The following CDYL2 variants were observed in gnomAD, a reference collection of about 807,000 sequenced individuals.
The protein encoded by CDYL2 is chromodomain Y-like protein 2.
A neutral mutation model predicts 49.4 loss-of-function variants in CDYL2; 23 were observed. The observed-to-expected ratio is 0.47, with a 90% CI of 0.34 to 0.66. The LOEUF (loss-of-function observed/expected upper bound fraction) is 0.66, where lower values mean the gene tolerates loss of function less well. Among genes scored for constraint, CDYL2 ranks in the 30% least tolerant of loss-of-function variants. The probability of loss-of-function intolerance (pLI) is 0.01; values close to 1 mark genes in which losing one functional copy is unlikely to be tolerated. For synonymous variants in CDYL2, 360 were observed against 268.8 expected, an observed-to-expected ratio of 1.34 and a Z score of -3.32; for missense variants, 678 against 656.4, an observed-to-expected ratio of 1.03 and a Z score of -0.36.
intron 1 of CDYL2, among the ~76,000 whole-genome samples, chr16:80,749,728 T>C (rs1280716501): frequency 6.6e-6 from 1 of 152,076 alleles, no homozygotes; most frequent in Non-Finnish European, 1.5e-5. Flanking sequence ...ATGAAAATTT[T>C]TTTAAAAAAA....
intron 1 of CDYL2, among the ~76,000 whole-genome samples, chr16:80,716,736 G>A (rs1448977859): frequency 6.6e-6 from 1 of 151,948 alleles, no homozygotes; most frequent in Non-Finnish European, 1.5e-5. Flanking sequence ...GATAATGGAT[G>A]GATCGATGGA....
At chr16:80,698,896 T>C (rs1904287457) in intron 1 of CDYL2, among the ~76,000 whole-genome samples, 1 of 151,882 alleles carries the variant, frequency 6.6e-6, no homozygotes, top group Non-Finnish European at 1.5e-5. Flanking sequence ...AATGAACTAA[T>C]ACAATATGAA....
chr16:80,693,041 G>A (rs1468956269), intron 1 of CDYL2, among the ~76,000 whole-genome samples: 1 of 143,636 alleles, frequency 7.0e-6, no homozygotes, highest in East Asian at 2.2e-4. Context: ...GCATTATGCT[G>A]AATGAAGGGG....
rs1412624016 is a variant in CDYL2 at position 80,684,792 on chromosome 16, G to A, written c.362C>T (p.Ser121Leu). ...GTCACCTCCTGAAGAGGGCTTGCCT[G>A]AATACCCTTTTTTTGGCTTGGCCAG... is the stretch of plus-strand genomic sequence containing the variant. ...PPLAKPKKGY[S>L]GKPSSGGDRA... The change falls in exon 2 of 7, where the codon TCA (serine) becomes TTA (leucine). Residue 121 changes from serine to leucine, a missense_variant. Physicochemically the swap from Ser to Leu is moderately radical, Grantham distance 145. Transcript: ENST00000570137. 2 of 1,614,188 alleles carry A rather than the reference G, an allele frequency of 1.2e-6. No homozygotes were observed. The highest frequency in any genetic ancestry group is 1.7e-6 in the Non-Finnish European group (2 of 1,180,034).
At chr16:80,618,972 T>C (rs1349173036) in intron 4 of CDYL2, among the ~76,000 whole-genome samples, 3 of 152,194 alleles carry the variant, frequency 2.0e-5, no homozygotes, top group Admixed American at 2.0e-4. Context: ...TATTCTCTCA[T>C]AGTTCTGGAG....
chr16:80,723,450 C>T (rs139690836), intron 1 of CDYL2, among the ~76,000 whole-genome samples: 400 of 152,264 alleles, frequency 2.6e-3, no homozygotes, highest in Middle Eastern at 0.014. Context: ...ACACTAATTC[C>T]GGCTTCTAAA....
chr16:80,764,535 C>A (rs970349054), intron 1 of CDYL2, among the ~76,000 whole-genome samples: 2 of 152,146 alleles, frequency 1.3e-5, no homozygotes, highest in Admixed American at 1.3e-4. Flanking sequence ...ATACTAAAAT[C>A]TTTATAATAA....
chr16:80,739,670 C>A (rs1285860394), intron 1 of CDYL2, among the ~76,000 whole-genome samples: 1 of 152,094 alleles, frequency 6.6e-6, no homozygotes, highest in African/African-American at 2.4e-5. Context: ...CACCGCCACC[C>A]ACACCAGCCC....
intron 2 of CDYL2, 28 bp downstream of exon 2, chr16:80,684,509 CA>C: frequency 6.3e-7 from 1 of 1,593,226 alleles, no homozygotes; most frequent in South Asian, 1.1e-5. Context: ...TGGCCAGAGC[CA>C]AACCCAAGAG....
At chr16:80,614,020 G>C (rs145504314) in intron 4 of CDYL2, among the ~76,000 whole-genome samples, 2 of 152,158 alleles carry the variant, frequency 1.3e-5, no homozygotes, top group East Asian at 3.9e-4. Context: ...CTAACTATTT[G>C]CTTGTTTTTG....
chr16:80,796,014 C>T (rs1907760035), intron 1 of CDYL2, among the ~76,000 whole-genome samples: 1 of 152,182 alleles, frequency 6.6e-6, no homozygotes, highest in Non-Finnish European at 1.5e-5. Context: ...ACCCTAACTG[C>T]ATCAGTCAGG....
At chr16:80,702,763 A>G (rs1002952905) in intron 1 of CDYL2, among the ~76,000 whole-genome samples, 5 of 152,168 alleles carry the variant, frequency 3.3e-5, no homozygotes, top group African/African-American at 1.2e-4. Flanking sequence ...GTAAGGCCAC[A>G]ATATTAGGAG....
At chr16:80,682,141 T>G (rs1017032728) in intron 2 of CDYL2, among the ~76,000 whole-genome samples, 3 of 152,168 alleles carry the variant, frequency 2.0e-5, no homozygotes, top group African/African-American at 7.2e-5. Context: ...ACATGCAGAA[T>G]CTGAGAACCA....
At chr16:80,619,294 G>T (rs138783913) in intron 4 of CDYL2, among the ~76,000 whole-genome samples, 75 of 152,270 alleles carry the variant, frequency 4.9e-4, no homozygotes, top group African/African-American at 1.6e-3. Context: ...CACCTCCACA[G>T]GTTCCAGGGA....
rs192903835 is a variant in CDYL2 at position 80,648,895 on chromosome 16, C to T, written c.617-15659G>A. Among the ~76,000 whole-genome samples, 394 of 152,172 alleles carry T rather than the reference C, an allele frequency of 2.6e-3. 1 individual carries two copies. The highest frequency in any genetic ancestry group is 9.2e-3 in the African/African-American group (382 of 41,522). On this transcript the variant is annotated intron_variant, in intron 2 of 6. Transcript: ENST00000570137. ...TATCAACAGAATGATGGACAAAAAC[C>T]ATATGATTATTTCAATTGGTGCTGA...
chr16:80,804,139 CGTCCCCGT>C lies in CDYL2; in HGVS notation c.24+3_24+10del, dbSNP rs1205808755. The C allele has an allele frequency of 1.7e-6, 2 of 1,204,432 alleles. No homozygotes were observed. The highest frequency in any genetic ancestry group is 3.1e-5 in the Admixed American group (1 of 32,240). 74.6% of individuals were successfully genotyped at this position (1,204,432 alleles called of 1,614,324 possible). ...TGACTGGGGCCGGCCCGCGCCCCCG[CGTCCCCGT>C]ACCTCGTAAAGGTCCCCAGAAGCCA... On this transcript the variant is annotated splice_donor_5th_base_variant and intron_variant, in intron 1 of 6. Coordinates refer to ENST00000570137, the MANE Select transcript of CDYL2 (RefSeq NM_152342.4).
intron 1 of CDYL2, among the ~76,000 whole-genome samples, chr16:80,762,762 G>A (rs1311952778): frequency 1.3e-5 from 2 of 152,266 alleles, no homozygotes; most frequent in East Asian, 1.9e-4. Flanking sequence ...GAAGCAAGGT[G>A]ACTCTCTGCC....
chr16:80,747,552 T>C (rs1233594024), intron 1 of CDYL2, among the ~76,000 whole-genome samples: 2 of 152,158 alleles, frequency 1.3e-5, no homozygotes, highest in African/African-American at 2.4e-5. Flanking sequence ...TTGTCGTGAA[T>C]AGTGGTAGTG....
At chr16:80,703,316 G>C (rs1904313789) in intron 1 of CDYL2, among the ~76,000 whole-genome samples, 1 of 152,168 alleles carries the variant, frequency 6.6e-6, no homozygotes, top group African/African-American at 2.4e-5. Flanking sequence ...CAACTAGACT[G>C]TGGCCTCCTT....
Sources: gnomAD v4.1 joint callset for allele counts (sites outside exome capture counted in the v4.1 genomes callset) on GRCh38, gnomAD v4.1.1 for gene constraint, MANE v1.5 for transcripts, NCBI Gene and HGNC (gene_info 2026-07-23, HGNC 2026-07-21) for gene names.